Variants in MICU1 observed in about 807,000 individuals in gnomAD.
MICU1 encodes calcium uptake protein 1, mitochondrial.
In MICU1, 45 loss-of-function variants were observed where a neutral mutation model predicts 56.8. That is an observed-to-expected ratio of 0.79 (90% CI 0.62 to 1.02). MICU1 has a LOEUF of 1.02. Among genes scored for constraint, MICU1 ranks in the 50% least tolerant of loss-of-function variants. MICU1 has a pLI of 0.00. For synonymous variants in MICU1, 186 were observed against 195.1 expected (o/e 0.95, Z 0.39); for missense variants, 504 against 587.1 (o/e 0.86, Z 1.46).
At chr10:72,620,943 C>T (rs1370157206) in intron 1 of MICU1, among the ~76,000 whole-genome samples, 1 of 152,124 alleles carries the variant, frequency 6.6e-6, no homozygotes, top group Non-Finnish European at 1.5e-5. Context: ...GCATGATTGG[C>T]CAGGCATGGT....
chr10:72,569,239 T>A (rs867366075), intron 1 of MICU1, among the ~76,000 whole-genome samples: 16 of 67,948 alleles, frequency 2.4e-4, no homozygotes, highest in Non-Finnish European at 3.8e-4. Flanking sequence ...ATATATATAT[T>A]TTTTTTTTTT....
chr10:72,479,520 T>G (rs138535222), intron 6 of MICU1, among the ~76,000 whole-genome samples: 119 of 152,260 alleles, frequency 7.8e-4, no homozygotes, highest in Middle Eastern at 3.4e-3. Flanking sequence ...AACTCTCAGA[T>G]AGGTTTGTCA....
chr10:72,512,111 T>G (rs1291929756), intron 5 of MICU1, among the ~76,000 whole-genome samples: 1 of 136,356 alleles, frequency 7.3e-6, no homozygotes, highest in Non-Finnish European at 1.6e-5. Context: ...TTTTTTGTTT[T>G]TTTTTTTTTT....
chr10:72,625,621 C>T (rs1842208959), intron 1 of MICU1, among the ~76,000 whole-genome samples: 2 of 152,360 alleles, frequency 1.3e-5, no homozygotes, highest in Admixed American at 1.3e-4. Flanking sequence ...CATCTGTGAA[C>T]TCCCGCACCC....
chr10:72,619,009 T>A (rs1038406120), intron 1 of MICU1, among the ~76,000 whole-genome samples: 5 of 152,260 alleles, frequency 3.3e-5, no homozygotes, highest in African/African-American at 1.2e-4. Context: ...GAAACCTGTT[T>A]GTTGATATGT....
intron 8 of MICU1, chr10:72,467,859 C>T (rs1381807434): frequency 2.0e-5 from 3 of 150,574 alleles, no homozygotes; most frequent in African/African-American, 4.9e-5. Flanking sequence ...GCTCTTGTCG[C>T]CCTGGAGTGC....
chr10:72,602,397 G>C (rs1028508663), intron 1 of MICU1, among the ~76,000 whole-genome samples: 5 of 151,312 alleles, frequency 3.3e-5, no homozygotes, highest in African/African-American at 9.7e-5. Flanking sequence ...GTTGCAGTGA[G>C]ACAACATCAT....
intron 8 of MICU1, among the ~76,000 whole-genome samples, chr10:72,427,738 ATATATAT>A (rs1564861521): frequency 1.9e-4 from 4 of 20,622 alleles, no homozygotes; most frequent in East Asian, 5.2e-4. Context: ...TCTAAAATAT[ATATATAT>A]ATATATATAT....
intron 5 of MICU1, among the ~76,000 whole-genome samples, chr10:72,514,906 CT>C (rs1564913105): frequency 6.6e-6 from 1 of 152,142 alleles, no homozygotes; most frequent in Non-Finnish European, 1.5e-5. Context: ...AAGCCTCTTC[CT>C]TCCCAGGCTA....
At chr10:72,422,095 T>G (rs182046770) in intron 9 of MICU1, among the ~76,000 whole-genome samples, 2 of 152,168 alleles carry the variant, frequency 1.3e-5, no homozygotes, top group East Asian at 3.9e-4. Flanking sequence ...CCCAATGTGG[T>G]TGTATTTGGA....
At chr10:72,524,200 A>C (rs1226506881) in intron 5 of MICU1, among the ~76,000 whole-genome samples, 1 of 152,158 alleles carries the variant, frequency 6.6e-6, no homozygotes, top group African/African-American at 2.4e-5. Flanking sequence ...AGCTCACTAC[A>C]ACCTCCAACT....
intron 3 of MICU1, among the ~76,000 whole-genome samples, chr10:72,556,841 G>A (rs189595047): frequency 1.3e-5 from 2 of 152,000 alleles, no homozygotes; most frequent in Non-Finnish European, 2.9e-5. Flanking sequence ...AAGGTAGGTG[G>A]ATCACCTGAG....
At chr10:72,556,069 C>T (rs921896277) in intron 3 of MICU1, among the ~76,000 whole-genome samples, 1 of 152,152 alleles carries the variant, frequency 6.6e-6, no homozygotes, top group Non-Finnish European at 1.5e-5. Context: ...GAAAAAGTAG[C>T]AGGCAGAAAG....
chr10:72,425,757 C>G (rs1864326285), intron 8 of MICU1, among the ~76,000 whole-genome samples: 1 of 152,054 alleles, frequency 6.6e-6, no homozygotes, highest in African/African-American at 2.4e-5. Flanking sequence ...CTGGAGGGAG[C>G]CATGGAGAGC....
intron 8 of MICU1, among the ~76,000 whole-genome samples, chr10:72,424,810 T>C (rs1313556283): frequency 6.6e-6 from 1 of 152,204 alleles, no homozygotes; most frequent in African/African-American, 2.4e-5. Flanking sequence ...TCCTGTACAA[T>C]AGCACTGTGT....
At chr10:72,462,180 G>A (rs187104193) in intron 8 of MICU1, among the ~76,000 whole-genome samples, 1 of 151,620 alleles carries the variant, frequency 6.6e-6, no homozygotes, top group East Asian at 1.9e-4. Flanking sequence ...GAACTTTATG[G>A]TGGGTTTATT....
At chr10:72,545,396 T>C (rs1328171419) in intron 4 of MICU1, among the ~76,000 whole-genome samples, 1 of 152,184 alleles carries the variant, frequency 6.6e-6, no homozygotes, top group Non-Finnish European at 1.5e-5. Flanking sequence ...CAACTTGGTT[T>C]TACGTATTTT....
intron 10 of MICU1, among the ~76,000 whole-genome samples, chr10:72,401,689 C>A (rs1863461038): frequency 6.6e-6 from 1 of 152,120 alleles, no homozygotes; most frequent in Admixed American, 6.6e-5. Context: ...ATTTCCATCA[C>A]TTCACATAGT....
At chr10:72,423,100 C>T in intron 9 of MICU1, 134 bp downstream of exon 9, 3 of 1,212,464 alleles carry the variant, frequency 2.5e-6, no homozygotes, top group Admixed American at 2.7e-5. Context: ...CCCTACGGAC[C>T]TCAGGTACCA....
Sources: gnomAD v4.1 joint callset for allele counts (sites outside exome capture counted in the v4.1 genomes callset) on GRCh38, gnomAD v4.1.1 for gene constraint, MANE v1.5 for transcripts, NCBI Gene and HGNC (gene_info 2026-07-23, HGNC 2026-07-21) for gene names.